The following LDB2 variants were observed in gnomAD, a reference collection of about 807,000 sequenced individuals.
LDB2 encodes LIM domain-binding protein 2.
Under a neutral mutation model 44.3 loss-of-function variants are expected in LDB2, and 12 were observed. That is an observed-to-expected ratio of 0.27 (90% CI 0.17 to 0.44). The LOEUF (loss-of-function observed/expected upper bound fraction) is 0.44, where lower values mean the gene tolerates loss of function less well. Ranked by LOEUF, LDB2 falls within the 20% of genes least tolerant of loss-of-function variation. The pLI, the probability that LDB2 is intolerant of heterozygous loss-of-function variation, is 1.00. For missense variants in LDB2, 344 were observed against 473.5 expected (o/e 0.73, Z 2.54); for synonymous variants, 164 against 174.8 (o/e 0.94, Z 0.49).
intron 2 of LDB2, among the ~76,000 whole-genome samples, chr4:16,731,568 A>G (rs941645551): frequency 6.6e-6 from 1 of 152,200 alleles, no homozygotes; most frequent in African/African-American, 2.4e-5. Context: ...TGAGCAAGCC[A>G]AGATGGAAGT....
At chr4:16,877,329 A>G (rs1408750634) in intron 1 of LDB2, among the ~76,000 whole-genome samples, 1 of 152,184 alleles carries the variant, frequency 6.6e-6, no homozygotes, top group Admixed American at 6.5e-5. Context: ...TGTGGAATAA[A>G]CACATGCTTT....
intron 2 of LDB2, among the ~76,000 whole-genome samples, chr4:16,742,880 G>A (rs1015983394): frequency 6.6e-5 from 10 of 151,986 alleles, no homozygotes; most frequent in South Asian, 2.1e-4. Flanking sequence ...ACTGCCCCTC[G>A]CCTCTATTTC....
intron 5 of LDB2, among the ~76,000 whole-genome samples, chr4:16,528,901 C>CA (rs1729159222): frequency 6.6e-6 from 1 of 151,982 alleles, no homozygotes; most frequent in African/African-American, 2.4e-5. Context: ...CCTGTCTACT[C>CA]AGTTAGTTCA....
chr4:16,832,181 A>G (rs1341610802), intron 1 of LDB2, among the ~76,000 whole-genome samples: 1 of 152,236 alleles, frequency 6.6e-6, no homozygotes, highest in Non-Finnish European at 1.5e-5. Flanking sequence ...TGTTCTGGGT[A>G]TTGTGGAAGG....
At chr4:16,881,602 CTT>C (rs34180998) in intron 1 of LDB2, among the ~76,000 whole-genome samples, 7 of 133,178 alleles carry the variant, frequency 5.3e-5, no homozygotes, top group Non-Finnish European at 7.9e-5. Context: ...GAATTTGGGC[CTT>C]TTTTTTTTTT....
At chr4:16,547,528 G>C (rs983925192) in intron 5 of LDB2, among the ~76,000 whole-genome samples, 1 of 152,142 alleles carries the variant, frequency 6.6e-6, no homozygotes, top group South Asian at 2.1e-4. Flanking sequence ...TTGGTATCTT[G>C]ACTGGGATGT....
At chr4:16,774,904 T>G (rs772193968) in intron 1 of LDB2, among the ~76,000 whole-genome samples, 3 of 152,212 alleles carry the variant, frequency 2.0e-5, no homozygotes, top group Non-Finnish European at 4.4e-5. Flanking sequence ...GTCTATCAAC[T>G]AATGAACAGA....
intron 7 of LDB2, chr4:16,505,767 G>A (rs1719171722): frequency 5.6e-6 from 8 of 1,439,890 alleles, no homozygotes; most frequent in Non-Finnish European, 7.4e-6. Context: ...CTCCTTGCTG[G>A]AAGCCCGGAG....
chr4:16,597,065 C>T (rs1005619597), intron 2 of LDB2, among the ~76,000 whole-genome samples: 4 of 152,140 alleles, frequency 2.6e-5, no homozygotes, highest in African/African-American at 9.7e-5. Context: ...CCAATCGTCA[C>T]TTGAATGTTT....
intron 2 of LDB2, among the ~76,000 whole-genome samples, chr4:16,708,139 C>A (rs572278553): frequency 5.9e-5 from 9 of 152,156 alleles, no homozygotes; most frequent in African/African-American, 1.9e-4. Flanking sequence ...CCACAGGAAT[C>A]CTTGACTTAC....
intron 1 of LDB2, among the ~76,000 whole-genome samples, chr4:16,885,349 GT>G (rs1012520099): frequency 1.4e-4 from 21 of 151,876 alleles, no homozygotes; most frequent in African/African-American, 5.1e-4. Flanking sequence ...AAAAAAGAAA[GT>G]GATAACAAAA....
intron 2 of LDB2, among the ~76,000 whole-genome samples, chr4:16,636,854 C>T (rs1733747974): frequency 6.6e-6 from 1 of 152,164 alleles, no homozygotes; most frequent in Non-Finnish European, 1.5e-5. Flanking sequence ...AAAAGAAGCA[C>T]TGAGAAGCCA....
chr4:16,635,979 C>T (rs939223234), intron 2 of LDB2, among the ~76,000 whole-genome samples: 6 of 152,104 alleles, frequency 3.9e-5, no homozygotes, highest in Admixed American at 6.6e-5. Flanking sequence ...GTCTTCTAGA[C>T]GAGTGGAGGC....
intron 5 of LDB2, among the ~76,000 whole-genome samples, chr4:16,545,928 C>T (rs1322352522): frequency 6.6e-6 from 1 of 152,170 alleles, no homozygotes; most frequent in Non-Finnish European, 1.5e-5. Context: ...TGGCACCCGC[C>T]GTATGCAATT....
At chr4:16,725,127 A>G (rs1208668086) in intron 2 of LDB2, among the ~76,000 whole-genome samples, 2 of 152,130 alleles carry the variant, frequency 1.3e-5, no homozygotes, top group Admixed American at 1.3e-4. Context: ...TTGGATAAAT[A>G]TATTAAAGCT....
chr4:16,578,402 T>C (rs1467889032), intron 5 of LDB2, among the ~76,000 whole-genome samples: 2 of 152,112 alleles, frequency 1.3e-5, no homozygotes, highest in East Asian at 1.9e-4. Context: ...AAGATCTTAA[T>C]AGACATTTCA....
chr4:16,674,938 C>A (rs1031689752), intron 2 of LDB2, among the ~76,000 whole-genome samples: 2 of 116,008 alleles, frequency 1.7e-5, no homozygotes, highest in Non-Finnish European at 3.8e-5. Flanking sequence ...TATCTAGGAA[C>A]CTGAAAGCGA....
At chr4:16,823,285 G>A (rs1444287904) in intron 1 of LDB2, among the ~76,000 whole-genome samples, 1 of 152,206 alleles carries the variant, frequency 6.6e-6, no homozygotes, top group East Asian at 1.9e-4. Flanking sequence ...CAAAGCCAAC[G>A]TTTGAATGTT....
chr4:16,548,556 T>TAA (rs1577586626), intron 5 of LDB2, among the ~76,000 whole-genome samples: 1 of 152,158 alleles, frequency 6.6e-6, no homozygotes, highest in East Asian at 1.9e-4. Context: ...TTTATTCCTA[T>TAA]ATGTACCTTG....
Sources: gnomAD v4.1 joint callset for allele counts (sites outside exome capture counted in the v4.1 genomes callset) on GRCh38, gnomAD v4.1.1 for gene constraint, MANE v1.5 for transcripts, NCBI Gene and HGNC (gene_info 2026-07-23, HGNC 2026-07-21) for gene names.